Variants in FIGNL2 observed in about 807,000 individuals in gnomAD.
The protein encoded by FIGNL2 is fidgetin like 2, also known as fidgetin-like protein 2.
For synonymous variants in FIGNL2, 565 were observed against 484.0 expected, an observed-to-expected ratio of 1.17 and a Z score of -2.20; for missense variants, 1,060 against 950.2, an observed-to-expected ratio of 1.12 and a Z score of -1.52.
intron 1 of FIGNL2, among the ~76,000 whole-genome samples, chr12:51,830,566 A>G (rs1447635324): frequency 1.5e-5 from 2 of 136,376 alleles, no homozygotes; most frequent in Admixed American, 1.6e-4. Context: ...ATCTCGGCTC[A>G]CTGCAACCTC....
intron 1 of FIGNL2, among the ~76,000 whole-genome samples, chr12:51,829,095 CT>C (rs1939402089): frequency 6.6e-6 from 1 of 152,238 alleles, no homozygotes; most frequent in Non-Finnish European, 1.5e-5. Flanking sequence ...TGTGAGTCGG[CT>C]CCAGGCCGGT....
intron 1 of FIGNL2, among the ~76,000 whole-genome samples, chr12:51,822,821 A>AGCTCGCTCAGTAAGAGATGG (rs2138974380): frequency 6.6e-6 from 1 of 152,330 alleles, no homozygotes; most frequent in Non-Finnish European, 1.5e-5. Flanking sequence ...ACTCAAGTGA[A>AGCTCGCTCAGTAAGAGATGG]GCTCGCTCAG....
At chr12:51,845,353 G>C in intron 1 of FIGNL2, 3 of 524,950 alleles carry the variant, frequency 5.7e-6, no homozygotes, top group Non-Finnish European at 7.3e-6. Flanking sequence ...GGGTCCCTCT[G>C]CCCTGATCTC....
intron 1 of FIGNL2, chr12:51,831,927 A>C (rs574476143): frequency 6.6e-6 from 1 of 152,576 alleles, no homozygotes; most frequent in South Asian, 2.1e-4. Context: ...TGCAGCCTCC[A>C]CCTCCCAGGC....
Sources: gnomAD v4.1 joint callset for allele counts (sites outside exome capture counted in the v4.1 genomes callset) on GRCh38, gnomAD v4.1.1 for gene constraint, MANE v1.5 for transcripts, NCBI Gene and HGNC (gene_info 2026-07-23, HGNC 2026-07-21) for gene names.